Variants in DLG2 observed in about 807,000 individuals in gnomAD.
The protein encoded by DLG2 is discs large MAGUK scaffold protein 2, also known as disks large homolog 2.
In DLG2, 45 loss-of-function variants were observed where a neutral mutation model predicts 132.5. The ratio of observed to expected loss-of-function variants is 0.34; its 90% CI spans 0.27 to 0.44. The LOEUF is 0.44. Among genes scored for constraint, DLG2 ranks in the 20% least tolerant of loss-of-function variants. The pLI is 1.00. For missense variants in DLG2, 1,045 were observed against 1,196.9 expected (o/e 0.87, Z 1.87); for synonymous variants, 424 against 419.6 (o/e 1.01, Z -0.13).
At chr11:84,730,749 A>G (rs1041207683) in intron 6 of DLG2, among the ~76,000 whole-genome samples, 2 of 151,960 alleles carry the variant, frequency 1.3e-5, no homozygotes, top group African/African-American at 4.8e-5. Flanking sequence ...TGCATGAACT[A>G]AATGAGGTGT....
intron 18 of DLG2, among the ~76,000 whole-genome samples, chr11:83,737,524 C>T (rs1275007112): frequency 6.6e-6 from 1 of 152,164 alleles, no homozygotes; most frequent in African/African-American, 2.4e-5. Flanking sequence ...CTACTTAAAA[C>T]ACATCTCAAA....
At chr11:84,414,621 A>G (rs1315914692) in intron 7 of DLG2, among the ~76,000 whole-genome samples, 1 of 152,188 alleles carries the variant, frequency 6.6e-6, no homozygotes, top group African/African-American at 2.4e-5. Context: ...TTTAAAGCAC[A>G]TATTCAAATG....
intron 11 of DLG2, among the ~76,000 whole-genome samples, chr11:84,003,441 TGA>T (rs2094445686): frequency 6.6e-6 from 1 of 152,068 alleles, no homozygotes; most frequent in African/African-American, 2.4e-5. Context: ...TGGGACTGAG[TGA>T]TTTATAAAGG....
At chr11:84,023,025 T>C (rs12793772) in intron 11 of DLG2, among the ~76,000 whole-genome samples, 2 of 152,132 alleles carry the variant, frequency 1.3e-5, no homozygotes, top group African/African-American at 4.8e-5. Flanking sequence ...AAAAAAATGG[T>C]GATTTATCTT....
intron 17 of DLG2, among the ~76,000 whole-genome samples, chr11:83,789,808 C>T (rs952587439): frequency 6.6e-6 from 1 of 152,154 alleles, no homozygotes; most frequent in Non-Finnish European, 1.5e-5. Context: ...GGCCTTCCAA[C>T]GTGCTGGGAT....
chr11:84,768,091 T>C (rs747580726), intron 6 of DLG2, among the ~76,000 whole-genome samples: 10 of 152,210 alleles, frequency 6.6e-5, no homozygotes, highest in Non-Finnish European at 1.5e-4. Context: ...AATCCTACTT[T>C]ATTTCATCTG....
chr11:84,405,529 T>G (rs2098845743), intron 7 of DLG2, among the ~76,000 whole-genome samples: 1 of 152,228 alleles, frequency 6.6e-6, no homozygotes, highest in African/African-American at 2.4e-5. Flanking sequence ...TGCTTTGATT[T>G]CATACATTCC....
At chr11:83,928,053 CA>C (rs752769646) in intron 15 of DLG2, among the ~76,000 whole-genome samples, 1 of 151,622 alleles carries the variant, frequency 6.6e-6, no homozygotes, top group Non-Finnish European at 1.5e-5. Context: ...GTGACAAGGC[CA>C]CTAAAATAGC....
intron 18 of DLG2, among the ~76,000 whole-genome samples, chr11:83,713,638 G>T (rs993911531): frequency 2.6e-5 from 4 of 152,146 alleles, no homozygotes; most frequent in African/African-American, 9.7e-5. Flanking sequence ...AATTATTCCA[G>T]TTTGGTTCAT....
intron 6 of DLG2, among the ~76,000 whole-genome samples, chr11:84,826,379 T>C (rs1233900957): frequency 1.3e-5 from 2 of 151,852 alleles, no homozygotes; most frequent in Non-Finnish European, 2.9e-5. Context: ...ACTTCCAGAA[T>C]CCATTCCACA....
intron 9 of DLG2, among the ~76,000 whole-genome samples, chr11:84,132,539 A>G (rs984801505): frequency 1.3e-4 from 20 of 151,996 alleles, no homozygotes; most frequent in Non-Finnish European, 2.8e-4. Flanking sequence ...GTCACTGAAT[A>G]CTAACAATTT....
At chr11:83,989,001 A>C (rs2093539549) in intron 11 of DLG2, among the ~76,000 whole-genome samples, 2 of 152,276 alleles carry the variant, frequency 1.3e-5, no homozygotes, top group East Asian at 3.9e-4. Flanking sequence ...AAGTAGAACA[A>C]AACCAGTTAC....
chr11:85,154,148 A>C (rs929013129), intron 5 of DLG2, among the ~76,000 whole-genome samples: 5 of 150,918 alleles, frequency 3.3e-5, no homozygotes, highest in East Asian at 1.9e-4. Flanking sequence ...AAAAAAAAAA[A>C]AAAAAAAAAA....
At chr11:83,544,134 C>T (rs544166951) in intron 19 of DLG2, among the ~76,000 whole-genome samples, 36 of 152,322 alleles carry the variant, frequency 2.4e-4, no homozygotes, top group South Asian at 1.4e-3. Context: ...GAATTAGGCA[C>T]TTCCTGTGTG....
intron 9 of DLG2, among the ~76,000 whole-genome samples, chr11:84,147,068 G>C (rs2095112576): frequency 6.6e-6 from 1 of 152,006 alleles, no homozygotes; most frequent in African/African-American, 2.4e-5. Flanking sequence ...AAAATCCTGA[G>C]AAACAATCTG....
chr11:84,151,074 T>C (rs2095277552), intron 9 of DLG2, among the ~76,000 whole-genome samples: 1 of 152,148 alleles, frequency 6.6e-6, no homozygotes, highest in South Asian at 2.1e-4. Flanking sequence ...AGTTGTCTTT[T>C]TTGCTGTGTA....
chr11:84,329,811 T>C (rs982654920), intron 7 of DLG2, among the ~76,000 whole-genome samples: 1 of 152,330 alleles, frequency 6.6e-6, no homozygotes, highest in Non-Finnish European at 1.5e-5. Context: ...AACACTGTTT[T>C]CTATGTTTGT....
chr11:84,354,764 C>A lies in DLG2; in HGVS notation c.520-103473G>T, dbSNP rs554659000. Among the ~76,000 whole-genome samples, 20 of 152,214 alleles carry A rather than the reference C, an allele frequency of 1.3e-4. No individual in the cohort carries two copies. In the South Asian group the frequency reaches 4.1e-3, roughly 32 times the overall value. On this transcript the variant is annotated intron_variant, in intron 7 of 27. Coordinates refer to ENST00000376104, the MANE Select transcript of DLG2 (RefSeq NM_001142699.3). The stretch of plus-strand genomic sequence containing the variant: ...GGTTATTGTACAGTTAGGCTCACTA[C>A]ATCAATTTGAGTCAAATGCGGTTTG...
intron 3 of DLG2, among the ~76,000 whole-genome samples, chr11:85,409,511 A>C (rs1368620457): frequency 6.6e-6 from 1 of 151,920 alleles, no homozygotes; most frequent in African/African-American, 2.4e-5. Context: ...TAAAGGAGAA[A>C]AAAATGGATA....
Sources: allele counts gnomAD v4.1 joint callset (sites outside exome capture counted in the v4.1 genomes callset), GRCh38; gene constraint gnomAD v4.1.1; transcripts MANE v1.5; gene names NCBI Gene and HGNC (gene_info 2026-07-23, HGNC 2026-07-21).